Variants in TRIM13 observed in about 807,000 individuals in gnomAD.
TRIM13 encodes the protein tripartite motif containing 13.
TRIM13 carries 15 observed loss-of-function variants against 27.1 expected under a neutral mutation model. The ratio of observed to expected loss-of-function variants is 0.55; its 90% CI spans 0.37 to 0.85. The LOEUF (loss-of-function observed/expected upper bound fraction) is 0.85, where lower values mean the gene tolerates loss of function less well. Among genes scored for constraint, TRIM13 ranks in the 40% least tolerant of loss-of-function variants. TRIM13 has a pLI of 0.00. For missense variants in TRIM13, 402 were observed against 472.2 expected (o/e 0.85, Z 1.38); for synonymous variants, 193 against 171.5 (o/e 1.13, Z -0.98).
intron 1 of TRIM13, among the ~76,000 whole-genome samples, chr13:50,006,645 G>A (rs1265201819): frequency 1.3e-5 from 2 of 152,066 alleles, no homozygotes; most frequent in African/African-American, 2.4e-5. Flanking sequence ...GAAAGTTTGT[G>A]TGTCTTACAG....
At chr13:50,011,110 G>T (rs563712414) in intron 1 of TRIM13, among the ~76,000 whole-genome samples, 2 of 152,130 alleles carry the variant, frequency 1.3e-5, no homozygotes, top group African/African-American at 4.8e-5. Context: ...AGCTTTGCTC[G>T]ATCCCTCCTA....
chr13:50,012,195 C>A lies in TRIM13; in HGVS notation c.255C>A (p.Ile85=). 6.2e-7 allele frequency: 1 copy of A among 1,614,144 alleles called. No homozygotes were observed. The highest frequency in any genetic ancestry group is 8.5e-7 in the Non-Finnish European group (1 of 1,180,024). The part of the protein sequence containing the change: ...LKGIVEKYNK[I]KISPKMPVCK... ...GTATTGTGGAAAAGTATAACAAGAT[C>A]AAGATCTCTCCCAAAATGCCAGTAT... is the stretch of plus-strand genomic sequence containing the variant. The change falls in exon 2 of 2, where the codon ATC becomes ATA. Residue 85 remains isoleucine (I), a synonymous_variant. Transcript: ENST00000378182.
rs1873391874 is a variant in TRIM13 at position 49,997,610 on chromosome 13, T to C, written c.-160T>C. The C allele has an allele frequency of 6.6e-6, 1 of 152,186 alleles. No individual in the cohort carries two copies. The highest frequency in any genetic ancestry group is 2.1e-4 in the South Asian group (1 of 4,816). 9.4% of individuals were successfully genotyped at this position (152,186 alleles called of 1,614,324 possible). On this transcript the variant is annotated 5_prime_UTR_variant, in exon 1 of 2. Coordinates refer to ENST00000378182, the MANE Select transcript of TRIM13 (RefSeq NM_213590.3). Reference sequence around the variant, plus strand: ...CGATTGAAAAAATTGAGGGTCAAGATTGGGGTGCTGTGCAAATAAATGCGT... The same window carrying C: ...CGATTGAAAAAATTGAGGGTCAAGACTGGGGTGCTGTGCAAATAAATGCGT...
At chr13:50,004,100 G>T (rs1465376916) in intron 1 of TRIM13, among the ~76,000 whole-genome samples, 1 of 152,194 alleles carries the variant, frequency 6.6e-6, no homozygotes, top group African/African-American at 2.4e-5. Flanking sequence ...CTGACTTTAA[G>T]TTGAAATTTG....
chr13:50,000,044 T>G (rs921557032), intron 1 of TRIM13, among the ~76,000 whole-genome samples: 3 of 152,184 alleles, frequency 2.0e-5, no homozygotes, highest in African/African-American at 7.2e-5. Flanking sequence ...AGCCCAGTAT[T>G]TCTATTCCTA....
intron 1 of TRIM13, among the ~76,000 whole-genome samples, chr13:50,006,393 C>G (rs144783760): frequency 1.2e-3 from 189 of 152,174 alleles, no homozygotes; most frequent in Middle Eastern, 3.4e-3. Flanking sequence ...TTGGTATATT[C>G]TTTGTTTTCT....
intron 1 of TRIM13, among the ~76,000 whole-genome samples, chr13:50,007,043 A>G (rs1874809257): frequency 6.6e-6 from 1 of 151,814 alleles, no homozygotes; most frequent in Non-Finnish European, 1.5e-5. Context: ...TTAGCTGGGC[A>G]TGGTGGTGGG....
rs1876887419 is a variant in TRIM13, at chr13:50,018,371, C to T, written c.*5207C>T. On this transcript the variant is annotated 3_prime_UTR_variant, in exon 2 of 2. Transcript: ENST00000378182. Reference sequence around the variant, plus strand: ...TCTCACTTTGACAAATGTTTTTAGACTGTACAGTCAAGATCTGGCGCTTGG... The same window carrying T: ...TCTCACTTTGACAAATGTTTTTAGATTGTACAGTCAAGATCTGGCGCTTGG... The T allele has an allele frequency of 6.0e-6, 1 of 166,396 alleles. No individual in the cohort carries two copies. The highest frequency in any genetic ancestry group is 1.5e-5 in the Non-Finnish European group (1 of 68,100). The allele number at this position is 166,396 out of a possible 1,614,324, so 10.3% of individuals were successfully genotyped here.
chr13:50,015,388 TCCCTC>T lies in TRIM13; in HGVS notation c.*2231_*2235del, dbSNP rs1219691653. ...ATCTAAGTCTGGTTTTTGTTATTCT[TCCCTC>T]CCCTCCACTGCATAATCATGTATAA... On this transcript the variant is annotated 3_prime_UTR_variant, in exon 2 of 2. Transcript: ENST00000378182. 30 of 828,478 alleles carry T rather than the reference TCCCTC, an allele frequency of 3.6e-5. No individual in the cohort carries two copies. In the South Asian group the frequency reaches 4.9e-4, roughly 14 times the overall value. The allele number at this position is 828,478 out of a possible 1,614,324, so 51.3% of individuals were successfully genotyped here. A position where few individuals can be genotyped will look rare whatever the true frequency, so the allele number is the denominator to read the frequency against.
chr13:50,008,605 T>G lies in TRIM13; in HGVS notation c.-6-3330T>G, dbSNP rs114003658. Among the ~76,000 whole-genome samples the G allele has an allele frequency of 2.2e-3, 337 of 152,210 alleles. 1 individual carries two copies. The highest frequency in any genetic ancestry group is 7.4e-3 in the African/African-American group (306 of 41,522). On this transcript the variant is annotated intron_variant, in intron 1 of 1. Transcript: ENST00000378182. ...GTAAGCTATAATTAGGCCACTGTAG[T>G]CCAGCCTGGACAACAGAGCAAGACC...
In TRIM13 at chr13:50,015,374, G is replaced by T. The variant is rs1790854143; in HGVS notation, c.*2210G>T. On this transcript the variant is annotated 3_prime_UTR_variant, in exon 2 of 2. Transcript: ENST00000378182. ...GTAGTTTCCTGGGAATCTAAGTCTG[G>T]TTTTTGTTATTCTTCCCTCCCCTCC... 4 of 764,706 alleles carry T rather than the reference G, an allele frequency of 5.2e-6. No individual in the cohort carries two copies. Among genetic ancestry groups the T allele is most frequent in the African/African-American group, 3.5e-5 (2 of 57,206 alleles). The allele number at this position is 764,706 out of a possible 1,614,324, so 47.4% of individuals were successfully genotyped here. A position where few individuals can be genotyped will look rare whatever the true frequency, so the allele number is the denominator to read the frequency against.
chr13:50,012,047 G>C lies in TRIM13; in HGVS notation c.107G>C (p.Gly36Ala). ...AACTTCTGCAAAAAATGCTTAGAAG[G>C]TATCTTAGAAGGGAGTGTGCGGAAT... is the stretch of plus-strand genomic sequence containing the variant. ...SHNFCKKCLE[G>A]ILEGSVRNSL... Residue 36 changes from glycine (G) to alanine (A), a missense_variant, in exon 2 of 2, where the codon GGT becomes GCT. Around this residue, in one of 2 missense-constraint regions of TRIM13, gnomAD observed 202 missense variants for 277.5 expected, o/e 0.73. Coordinates refer to ENST00000378182, the MANE Select transcript of TRIM13 (RefSeq NM_213590.3). 1 of 1,614,080 alleles carries C rather than the reference G, an allele frequency of 6.2e-7. No homozygotes were observed. Among genetic ancestry groups the C allele is most frequent in the Non-Finnish European group, 8.5e-7 (1 of 1,180,004 alleles).
intron 1 of TRIM13, among the ~76,000 whole-genome samples, chr13:50,005,870 ACCACG>A (rs1566435480): frequency 1.3e-5 from 2 of 149,780 alleles, no homozygotes; most frequent in Non-Finnish European, 3.0e-5. Flanking sequence ...GGCATGCGCC[ACCACG>A]CCTGGCTAAT....
rs1339167663 is a variant in TRIM13, at chr13:50,017,966, AT to A, written c.*4804del. The A allele has an allele frequency of 6.0e-6, 1 of 167,030 alleles. No homozygotes were observed. The highest frequency in any genetic ancestry group is 1.5e-5 in the Non-Finnish European group (1 of 68,100). The allele number at this position is 167,030 out of a possible 1,614,324, so 10.3% of individuals were successfully genotyped here. ...GGTTAACCTAGCAGGTTGCTCAGTT[AT>A]TATCTCTCAAGGTCACAGTACTAGA... On this transcript the variant is annotated 3_prime_UTR_variant, in exon 2 of 2. Transcript: ENST00000378182.
chr13:50,012,669 A>C lies in TRIM13; in HGVS notation c.729A>C (p.Ser243=). The C allele has an allele frequency of 1.2e-6, 2 of 1,614,152 alleles. No homozygotes were observed. Among genetic ancestry groups the C allele is most frequent in the Non-Finnish European group, 8.5e-7 (1 of 1,180,018 alleles). ...FNIAEAFKDV[S]EPIVFLQQMQ... ...TTGCTGAGGCTTTCAAAGATGTGTC[A>C]GAACCCATTGTATTTCTGCAACAGA... The change falls in exon 2 of 2, where the codon TCA becomes TCC. Residue 243 remains serine, a synonymous_variant. Coordinates refer to ENST00000378182, the MANE Select transcript of TRIM13 (RefSeq NM_213590.3).
At position 50,015,337 on chromosome 13, in the gene TRIM13, A is replaced by T; in HGVS notation, c.*2173A>T. The T allele has an allele frequency of 1.6e-6, 1 of 636,984 alleles. No individual in the cohort carries two copies. The allele number at this position is 636,984 out of a possible 1,614,324, so 39.5% of individuals were successfully genotyped here. ...TTGCAAACACAGCCATGGATACACT[A>T]TTTACCTTACAGTAGTTTCCTGGGA... On this transcript the variant is annotated 3_prime_UTR_variant, in exon 2 of 2. Coordinates refer to ENST00000378182, the MANE Select transcript of TRIM13 (RefSeq NM_213590.3).
chr13:50,012,535 G>T lies in TRIM13; in HGVS notation c.595G>T (p.Glu199Ter). Residue 199 changes from glutamate to a stop codon, truncating the protein, a stop_gained, in exon 2 of 2, where the codon GAA (glutamate) becomes TAA (stop). Transcript: ENST00000378182. LOFTEE classifies it high-confidence loss of function. The part of the protein sequence containing the change: ...LQHTLDQKKN[E>*]ILSDFETMKL... ...ACACACACTGGATCAAAAGAAGAAT[G>T]AAATTCTGTCTGACTTTGAGACCAT... is the stretch of plus-strand genomic sequence containing the variant. 1.2e-6 allele frequency: 2 copies of T among 1,614,070 alleles called. No homozygotes were observed. The highest frequency in any genetic ancestry group is 1.7e-6 in the Non-Finnish European group (2 of 1,179,994).
intron 1 of TRIM13, among the ~76,000 whole-genome samples, chr13:50,007,782 C>CAAAAA (rs34741583): frequency 0.092 from 11,649 of 126,410 alleles, 586 homozygotes; most frequent in Non-Finnish European, 0.11. Context: ...GACTTAGTCT[C>CAAAAA]AAAAAAAAAA....
At chr13:50,009,728 C>T (rs1875304174) in intron 1 of TRIM13, among the ~76,000 whole-genome samples, 1 of 108,676 alleles carries the variant, frequency 9.2e-6, no homozygotes, top group Non-Finnish European at 1.9e-5. Flanking sequence ...CAGAGTCAGA[C>T]TCCGTCTCAA....
Sources: allele counts gnomAD v4.1 joint callset (sites outside exome capture counted in the v4.1 genomes callset), GRCh38; gene constraint gnomAD v4.1.1; regional missense constraint gnomAD v4.1.1; transcripts MANE v1.5; gene names NCBI Gene and HGNC (gene_info 2026-07-23, HGNC 2026-07-21).